Variants in FGD5 observed in about 807,000 individuals in gnomAD.
FGD5 encodes the protein FYVE, RhoGEF and PH domain containing 5.
A neutral mutation model predicts 133.4 loss-of-function variants in FGD5; 28 were observed. That is an observed-to-expected ratio of 0.21 (90% CI 0.16 to 0.29). FGD5 has a LOEUF of 0.29. FGD5 is among the 10% of genes least tolerant of loss of function. The probability of loss-of-function intolerance (pLI) is 1.00; values close to 1 mark genes in which losing one functional copy is unlikely to be tolerated. For missense variants in FGD5, 1,858 were observed against 1,895.2 expected (o/e 0.98, Z 0.36); for synonymous variants, 810 against 776.5 (o/e 1.04, Z -0.72).
At chr3:14,889,987 G>T (rs143306390) in intron 4 of FGD5, among the ~76,000 whole-genome samples, 442 of 151,884 alleles carry the variant, frequency 2.9e-3, no homozygotes, top group Middle Eastern at 0.014. Flanking sequence ...TCCTTACCCA[G>T]TTTTTTTTAA....
intron 18 of FGD5, 72 bp from the exon 19 acceptor site, chr3:14,932,505 G>T: frequency 6.6e-7 from 1 of 1,515,642 alleles, no homozygotes; most frequent in South Asian, 1.3e-5. Flanking sequence ...ACGCATCTCA[G>T]ATTGGAGATA....
Position 14,819,865 on chromosome 3 carries a change from C to T in FGD5, c.794C>T (p.Ala265Val). 6.2e-7 allele frequency: 1 copy of T among 1,613,222 alleles called. No individual in the cohort carries two copies. The change falls in exon 1 of 20, where the codon GCA becomes GTA. Residue 265 changes from alanine to valine, a missense_variant. Around this residue, in one of 3 missense-constraint regions of FGD5, gnomAD observed 1,824 missense variants for 1,848.9 expected, o/e 0.99. Transcript: ENST00000285046. This position sits in a 1 kb window ranked among gnomAD's most constrained non-coding sequence, Gnocchi z 4.1. ...EKEELAGVQEAETATDCPEVL... is the reference protein window; with the variant it reads ...EKEELAGVQEVETATDCPEVL... Reference sequence around the variant, plus strand: ...GAGGAGCTGGCCGGGGTCCAGGAGGCAGAGACAGCCACAGACTGCCCTGAA... The same window carrying T: ...GAGGAGCTGGCCGGGGTCCAGGAGGTAGAGACAGCCACAGACTGCCCTGAA...
intron 2 of FGD5, among the ~76,000 whole-genome samples, chr3:14,875,581 G>A (rs1250959279): frequency 1.3e-5 from 2 of 152,178 alleles, no homozygotes; most frequent in African/African-American, 4.8e-5. Context: ...TTCTGTAAGC[G>A]CTGGGAGCCT....
chr3:14,908,338 T>A (rs1022374138), intron 10 of FGD5, among the ~76,000 whole-genome samples: 1 of 152,170 alleles, frequency 6.6e-6, no homozygotes, highest in African/African-American at 2.4e-5. Flanking sequence ...ATCTCCAGAA[T>A]TACGGGGGCT....
At chr3:14,870,378 T>C (rs1006516128) in intron 2 of FGD5, among the ~76,000 whole-genome samples, 1 of 152,158 alleles carries the variant, frequency 6.6e-6, no homozygotes, top group Non-Finnish European at 1.5e-5. Context: ...CCACCTCCCT[T>C]ACTGCTGTCG....
At chr3:14,895,917 A>G (rs2038127666) in intron 4 of FGD5, among the ~76,000 whole-genome samples, 1 of 152,244 alleles carries the variant, frequency 6.6e-6, no homozygotes, top group Non-Finnish European at 1.5e-5. Context: ...AATAGAACTG[A>G]TAAACAAATT....
intron 19 of FGD5, 74 bp from the exon 20 acceptor site, chr3:14,933,057 T>G: frequency 6.5e-7 from 1 of 1,527,000 alleles, no homozygotes; most frequent in Admixed American, 1.8e-5. Flanking sequence ...ACTAGTCCAG[T>G]CTTTTCTAGG....
intron 4 of FGD5, among the ~76,000 whole-genome samples, chr3:14,895,735 A>G (rs2038123669): frequency 6.6e-6 from 1 of 152,042 alleles, no homozygotes; most frequent in Non-Finnish European, 1.5e-5. Flanking sequence ...TATCCTGCTA[A>G]TTTTTGTATT....
At chr3:14,829,294 C>T (rs1016513981) in intron 1 of FGD5, among the ~76,000 whole-genome samples, 3 of 152,144 alleles carry the variant, frequency 2.0e-5, no homozygotes, top group Admixed American at 6.5e-5. Flanking sequence ...ATCCCCTGGG[C>T]AGGGGGGAGT....
intron 10 of FGD5, among the ~76,000 whole-genome samples, chr3:14,909,761 C>CTTTTTTTT (rs201883392): frequency 7.3e-6 from 1 of 137,500 alleles, no homozygotes. Flanking sequence ...CTTTTCTTTT[C>CTTTTTTTT]TTTTTTTTTT....
intron 4 of FGD5, among the ~76,000 whole-genome samples, chr3:14,887,096 A>G (rs1267832891): frequency 2.6e-5 from 4 of 151,964 alleles, no homozygotes; most frequent in East Asian, 3.9e-4. Flanking sequence ...CTTTTTGTCT[A>G]TTGTTGAGAG....
At chr3:14,886,801 G>A (rs977523370) in intron 4 of FGD5, among the ~76,000 whole-genome samples, 4 of 152,198 alleles carry the variant, frequency 2.6e-5, no homozygotes, top group Non-Finnish European at 2.9e-5. Context: ...TTAAAACTGC[G>A]TCGTGTAACT....
intron 1 of FGD5, among the ~76,000 whole-genome samples, chr3:14,812,661 C>T (rs2036311287): frequency 6.6e-6 from 1 of 152,208 alleles, no homozygotes; most frequent in South Asian, 2.1e-4. Context: ...TTCCTGATCA[C>T]ATGGCATGGT....
At chr3:14,857,470 T>C (rs1410727074) in intron 1 of FGD5, among the ~76,000 whole-genome samples, 1 of 152,186 alleles carries the variant, frequency 6.6e-6, no homozygotes, top group Non-Finnish European at 1.5e-5. Context: ...TTCATCCTTT[T>C]GGCCTCCAAA....
At chr3:14,909,636 C>T (rs2038407880) in intron 10 of FGD5, among the ~76,000 whole-genome samples, 2 of 152,178 alleles carry the variant, frequency 1.3e-5, no homozygotes, top group African/African-American at 2.4e-5. Flanking sequence ...TTTTATCTTT[C>T]ACAAATGCAA....
At chr3:14,931,716 C>T (rs2038902094) in intron 18 of FGD5, 1 of 152,196 alleles carries the variant, frequency 6.6e-6, no homozygotes, top group Admixed American at 6.5e-5. Flanking sequence ...TATATCTCAT[C>T]AAATTGTTAG....
At position 14,821,317 on chromosome 3, in the gene FGD5, C is replaced by T. The variant is rs2036496008; in HGVS notation, c.2246C>T (p.Ser749Phe). 5 of 1,614,000 alleles carry T rather than the reference C, an allele frequency of 3.1e-6. No individual in the cohort carries two copies. The highest frequency in any genetic ancestry group is 4.2e-6 in the Non-Finnish European group (5 of 1,179,892). Residue 749 changes from serine (S) to phenylalanine (F), a missense_variant, in exon 1 of 20, where the codon TCC becomes TTC. Coordinates refer to ENST00000285046, the MANE Select transcript of FGD5 (RefSeq NM_152536.4). ...AGAGTGGAGTCCTTTGAAGACCGCT[C>T]CCGGCCGCCCTTCCTGCCCTTGCCA... ...VSRVESFEDR[S>F]RPPFLPLPLT...
chr3:14,859,349 G>A (rs1243821222), intron 1 of FGD5, among the ~76,000 whole-genome samples: 1 of 152,102 alleles, frequency 6.6e-6, no homozygotes, highest in Non-Finnish European at 1.5e-5. Flanking sequence ...TTGAGGTGAG[G>A]AGTTCGAGAC....
At chr3:14,905,900 A>G (rs1219124785) in intron 9 of FGD5, among the ~76,000 whole-genome samples, 1 of 152,034 alleles carries the variant, frequency 6.6e-6, no homozygotes, top group Non-Finnish European at 1.5e-5. Context: ...ACTGAGGTAA[A>G]TCGTATTTAC....
Sources: allele counts gnomAD v4.1 joint callset (sites outside exome capture counted in the v4.1 genomes callset), GRCh38; gene constraint gnomAD v4.1.1; regional missense constraint gnomAD v4.1.1; non-coding constraint Gnocchi (gnomAD v3.1); transcripts MANE v1.5; gene names NCBI Gene and HGNC (gene_info 2026-07-23, HGNC 2026-07-21).